The following RAET1L variants were observed in gnomAD, a reference collection of about 807,000 sequenced individuals.
RAET1L encodes the protein retinoic acid early transcript 1L, also known as UL16-binding protein 6.
In RAET1L, 16 loss-of-function variants were observed where a neutral mutation model predicts 23.9. The ratio of observed to expected loss-of-function variants is 0.67; its 90% CI spans 0.45 to 1.02. The LOEUF is 1.02. Among genes scored for constraint, RAET1L ranks in the 50% least tolerant of loss-of-function variants. The pLI is 0.00. For synonymous variants in RAET1L, 70 were observed against 111.2 expected (o/e 0.63, Z 2.33); for missense variants, 233 against 304.0 (o/e 0.77, Z 1.74).
intron 4 of RAET1L, among the ~76,000 whole-genome samples, chr6:150,019,666 T>C (rs1779863047): frequency 6.9e-6 from 1 of 144,610 alleles, no homozygotes; most frequent in Non-Finnish European, 1.5e-5. Flanking sequence ...CCCAGATCTC[T>C]CTTAGCCTCA....
Position 150,021,231 on chromosome 6 carries a change from G to T in RAET1L, c.350-45C>A, listed in dbSNP as rs758716195. On this transcript the variant is annotated intron_variant, in intron 2 of 4. Transcript: ENST00000367341. ...ATCAGCTCTGATCTTGACAAATTTT[G>T]CACCCCCATCCTGTTCCCCTTACAA... is the stretch of plus-strand genomic sequence containing the variant. 5.1e-6 allele frequency: 8 copies of T among 1,575,922 alleles called. No homozygotes were observed. The African/African-American group carries it at 1.1e-4, about 21-fold the overall frequency.
intron 1 of RAET1L, among the ~76,000 whole-genome samples, chr6:150,024,562 C>CA (rs376162479): frequency 0.014 from 2,056 of 144,462 alleles, 131 homozygotes; most frequent in African/African-American, 0.057. Flanking sequence ...GAAGAACAGG[C>CA]GGTCTGGGCC....
At chr6:150,020,816 G>A (rs1779876455) in intron 3 of RAET1L, 89 bp downstream of exon 3, 11 of 1,572,822 alleles carry the variant, frequency 7.0e-6, no homozygotes, top group South Asian at 1.2e-5. Flanking sequence ...GTGTACACTG[G>A]GATGATTGAA....
At chr6:150,021,649 G>T (rs1779890426) in intron 2 of RAET1L, among the ~76,000 whole-genome samples, 1 of 127,606 alleles carries the variant, frequency 7.8e-6, no homozygotes, top group Non-Finnish European at 1.7e-5. Flanking sequence ...AGGCTGGAGT[G>T]CAATGGCACC....
rs1236550179 is a variant in RAET1L, at chr6:150,022,025, T to C, written c.304A>G (p.Thr102Ala). Residue 102 changes from threonine to alanine, a missense_variant, in exon 2 of 5, where the codon ACA becomes GCA. This residue lies in a region of RAET1L where 44 missense variants were observed against 107.4 expected (regional missense o/e 0.41). Coordinates refer to ENST00000367341, the MANE Select transcript of RAET1L (RefSeq NM_130900.3). ...PVLREVVDILTEQLLDIQLEN... is the reference protein window; with the variant it reads ...PVLREVVDILAEQLLDIQLEN... ...AGCTGAATGTCAAGCAGTTGCTCTGTAAGTATGTCCACCACCTCTCTCAGT... is the reference window on the plus strand; with the variant it reads ...AGCTGAATGTCAAGCAGTTGCTCTGCAAGTATGTCCACCACCTCTCTCAGT... The C allele has an allele frequency of 1.4e-6, 2 of 1,413,434 alleles. No homozygotes were observed. Among genetic ancestry groups the C allele is most frequent in the Non-Finnish European group, 2.0e-6 (2 of 1,006,192 alleles). The allele number at this position is 1,413,434 out of a possible 1,614,324, so 87.6% of individuals were successfully genotyped here. A position where few individuals can be genotyped will look rare whatever the true frequency, so the allele number is the denominator to read the frequency against.
rs1343956068 is a variant in RAET1L, at chr6:150,021,982, T to C, written c.347A>G (p.Lys116Arg). Reference protein sequence around the residue: ...LDIQLENYTPKEPLTLQARMS... With the variant: ...LDIQLENYTPREPLTLQARMS... ...GTCCTGGGCCATCTGAAACTTACCC[T>C]TGGGTGTGTAATTCTCCAGCTGAAT... The change falls in exon 2 of 5, where the codon AAG becomes AGG. Residue 116 changes from lysine (K) to arginine (R), a missense_variant and splice_region_variant. Transcript: ENST00000367341. 2.5e-6 allele frequency: 4 copies of C among 1,600,734 alleles called. No homozygotes were observed. The highest frequency in any genetic ancestry group is 2.2e-5 in the East Asian group (1 of 44,614).
At position 150,025,387 on chromosome 6, in the gene RAET1L, C is replaced by T. The variant is rs753775628; in HGVS notation, c.85G>A (p.Asp29Asn). 2 of 1,613,074 alleles carry T rather than the reference C, an allele frequency of 1.2e-6. No individual in the cohort carries two copies. Among genetic ancestry groups the T allele is most frequent in the Non-Finnish European group, 1.7e-6 (2 of 1,179,368 alleles). The change falls in exon 1 of 5, where the codon GAC (aspartate) becomes AAC (asparagine). Residue 29 changes from aspartate to asparagine, a missense_variant and splice_region_variant. Physicochemically the swap from Asp to Asn is conservative, Grantham distance 23. This residue lies in a region of RAET1L where 42 missense variants were observed against 35.0 expected (regional missense o/e 1.20). Transcript: ENST00000367341. ...GCTTAGGCTCCATCCACCAGCTCACCGTCTCGCCTAGCCCGGGACCAGCCG... is the reference window on the plus strand; with the variant it reads ...GCTTAGGCTCCATCCACCAGCTCACTGTCTCGCCTAGCCCGGGACCAGCCG... ...LFGWSRARRD[D>N]PHSLCYDITV...
At position 150,021,265 on chromosome 6, in the gene RAET1L, C is replaced by T. The variant is rs938676861; in HGVS notation, c.350-79G>A. 4.0e-6 allele frequency: 6 copies of T among 1,483,300 alleles called. No individual in the cohort carries two copies. In the African/African-American group the frequency reaches 7.0e-5, roughly 17 times the overall value. 91.9% of individuals were successfully genotyped at this position (1,483,300 alleles called of 1,614,324 possible). A position where few individuals can be genotyped will look rare whatever the true frequency, so the allele number is the denominator to read the frequency against. On this transcript the variant is annotated intron_variant, in intron 2 of 4. Coordinates refer to ENST00000367341, the MANE Select transcript of RAET1L (RefSeq NM_130900.3). The stretch of plus-strand genomic sequence containing the variant: ...TCCTGTTCCCCTTACAATTTGCTGG[C>T]CTTACTCTCTCTGCTACATCTTGGC...
Position 150,023,524 on chromosome 6 carries a change from G to A in RAET1L, c.86-1281C>T, listed in dbSNP as rs1469779907. Reference sequence around the variant, plus strand: ...ATGGCCAATAGAGTTTGCTGTGAAGGGCAATTTTGTAAACATGTAAAGGTG... The same window carrying A: ...ATGGCCAATAGAGTTTGCTGTGAAGAGCAATTTTGTAAACATGTAAAGGTG... On this transcript the variant is annotated intron_variant, in intron 1 of 4. Transcript: ENST00000367341. 2.6e-5 allele frequency among the ~76,000 whole-genome samples: 4 copies of A among 152,254 alleles called. No homozygotes were observed. In the South Asian group the frequency reaches 6.2e-4, roughly 24 times the overall value.
rs772022795 is a variant in RAET1L at position 150,021,206 on chromosome 6, A to T, written c.350-20T>A. 5.6e-6 allele frequency: 9 copies of T among 1,593,842 alleles called. No individual in the cohort carries two copies. In the South Asian group the frequency reaches 9.0e-5, roughly 16 times the overall value. ...GGGGTTCTGCCCCCATCAGAGAGAG[A>T]TCAGCTCTGATCTTGACAAATTTTG... is the stretch of plus-strand genomic sequence containing the variant. On this transcript the variant is annotated intron_variant, in intron 2 of 4. Transcript: ENST00000367341.
chr6:150,021,465 A>AT (rs1292256280), intron 2 of RAET1L, among the ~76,000 whole-genome samples: 2 of 133,988 alleles, frequency 1.5e-5, no homozygotes, highest in South Asian at 2.5e-4. Flanking sequence ...ATACCCGGCT[A>AT]TTTTTTTGTA....
intron 1 of RAET1L, among the ~76,000 whole-genome samples, chr6:150,024,145 T>C (rs1779918563): frequency 6.6e-6 from 1 of 152,088 alleles, no homozygotes; most frequent in African/African-American, 2.4e-5. Flanking sequence ...ATGGTCCCCA[T>C]GGATGCCACT....
At position 150,022,171 on chromosome 6, in the gene RAET1L, T is replaced by G. The variant is rs1164537248; in HGVS notation, c.158A>C (p.Gln53Pro). 74 of 1,592,928 alleles carry G rather than the reference T, an allele frequency of 4.6e-5. No homozygotes were observed. Among genetic ancestry groups the G allele is most frequent in the Non-Finnish European group, 6.0e-5 (70 of 1,172,372 alleles). The change falls in exon 2 of 5, where the codon CAA (glutamine) becomes CCA (proline). Residue 53 changes from glutamine (Q) to proline (P), a missense_variant. Coordinates refer to ENST00000367341, the MANE Select transcript of RAET1L (RefSeq NM_130900.3). Reference protein sequence around the residue: ...FRPGPRWCAVQGQVDEKTFLH... With the variant: ...FRPGPRWCAVPGQVDEKTFLH... ...AAAAGTCTTTTCATCCACCTGGCCT[T>G]GAACCGCACACCACCGTGGTCCAGG...
At chr6:150,018,985 C>T (rs1779855066) in intron 4 of RAET1L, 130 bp from the exon 5 acceptor site, 1 of 192,538 alleles carries the variant, frequency 5.2e-6, no homozygotes, top group Admixed American at 6.2e-5. Flanking sequence ...CCTTGAGCCC[C>T]AACCCTGGCG....
rs1259403473 is a variant in RAET1L at position 150,019,505 on chromosome 6, G to T, written c.*22+603C>A. On this transcript the variant is annotated intron_variant, in intron 4 of 4. Coordinates refer to ENST00000367341, the MANE Select transcript of RAET1L (RefSeq NM_130900.3). Reference sequence around the variant, plus strand: ...TCAGGGCCCAGACTCAAACCCCACGGGTACATGGGACTGACTTTTTAAAAA... The same window carrying T: ...TCAGGGCCCAGACTCAAACCCCACGTGTACATGGGACTGACTTTTTAAAAA... Among the ~76,000 whole-genome samples, 8 of 151,974 alleles carry T rather than the reference G, an allele frequency of 5.3e-5. No homozygotes were observed. In the South Asian group the frequency reaches 1.0e-3, roughly 20 times the overall value.
In RAET1L at chr6:150,021,103, C is replaced by G; in HGVS notation, c.433G>C (p.Gly145Arg). The change falls in exon 3 of 5, where the codon GGA becomes CGA. Residue 145 changes from glycine to arginine, a missense_variant. Physicochemically the swap from Gly to Arg is moderately radical, Grantham distance 125. Around this residue, in one of 4 missense-constraint regions of RAET1L, gnomAD observed 139 missense variants for 125.3 expected, o/e 1.11. Coordinates refer to ENST00000367341, the MANE Select transcript of RAET1L (RefSeq NM_130900.3). ...GAGTCAAAGAGTAGGAAGGTCTGTC[C>G]ATCGATACTGAACTGCCAAGATCCA... Reference protein sequence around the residue: ...SSGSWQFSIDGQTFLLFDSEK... With the variant: ...SSGSWQFSIDRQTFLLFDSEK... 4 of 1,614,114 alleles carry G rather than the reference C, an allele frequency of 2.5e-6. No individual in the cohort carries two copies. The South Asian group carries it at 4.4e-5, about 18-fold the overall frequency.
chr6:150,020,964 A>C lies in RAET1L; in HGVS notation c.572T>G (p.Ile191Arg). 1 of 1,614,144 alleles carries C rather than the reference A, an allele frequency of 6.2e-7. No homozygotes were observed. The highest frequency in any genetic ancestry group is 8.5e-7 in the Non-Finnish European group (1 of 1,180,032). ...CATCAAGAAGTCCTCAAGCCATCCT[A>C]TGCAGTCTCCCATTGAGATGTAATG... is the stretch of plus-strand genomic sequence containing the variant. ...SFHYISMGDC[I>R]GWLEDFLMGM... Residue 191 changes from isoleucine to arginine, a missense_variant, in exon 3 of 5, where the codon ATA becomes AGA. Transcript: ENST00000367341.
chr6:150,018,396 C>A lies in RAET1L; in HGVS notation c.*482G>T, dbSNP rs1779846072. ...CACAGCAATAAATTACTAAAGGAAA[C>A]AATCATTAATATAAATTTTTTTCTT... On this transcript the variant is annotated 3_prime_UTR_variant, in exon 5 of 5. Coordinates refer to ENST00000367341, the MANE Select transcript of RAET1L (RefSeq NM_130900.3). The A allele has an allele frequency of 1.3e-5, 2 of 152,052 alleles. No homozygotes were observed. The highest frequency in any genetic ancestry group is 2.9e-5 in the Non-Finnish European group (2 of 68,052). 9.4% of individuals were successfully genotyped at this position (152,052 alleles called of 1,614,324 possible).
At chr6:150,021,688 C>A (rs1331465695) in intron 2 of RAET1L, among the ~76,000 whole-genome samples, 4 of 144,604 alleles carry the variant, frequency 2.8e-5, no homozygotes, top group Non-Finnish European at 3.0e-5. Context: ...GTCTGCCTGC[C>A]GGGTTCAAGG....
Sources: allele counts gnomAD v4.1 joint callset (sites outside exome capture counted in the v4.1 genomes callset), GRCh38; gene constraint gnomAD v4.1.1; regional missense constraint gnomAD v4.1.1; transcripts MANE v1.5; gene names NCBI Gene and HGNC (gene_info 2026-07-23, HGNC 2026-07-21).